The following DGKB variants were observed in gnomAD, a reference collection of about 807,000 sequenced individuals.
The protein encoded by DGKB is diacylglycerol kinase beta.
A neutral mutation model predicts 114.3 loss-of-function variants in DGKB; 67 were observed. The ratio of observed to expected loss-of-function variants is 0.59; its 90% CI spans 0.48 to 0.72. The LOEUF (loss-of-function observed/expected upper bound fraction) is 0.72. Among genes scored for constraint, DGKB ranks in the 30% least tolerant of loss-of-function variants. DGKB has a pLI of 0.00. For synonymous variants in DGKB, 398 were observed against 323.1 expected (o/e 1.23, Z -2.49); for missense variants, 907 against 975.2 (o/e 0.93, Z 0.93).
At chr7:14,415,421 T>TC (rs1292559862) in intron 21 of DGKB, among the ~76,000 whole-genome samples, 1 of 138,166 alleles carries the variant, frequency 7.2e-6, no homozygotes, top group East Asian at 2.4e-4. Context: ...CCCTCCCCAC[T>TC]CCCCCCACCC....
At chr7:14,784,355 C>T (rs1418789428) in intron 2 of DGKB, among the ~76,000 whole-genome samples, 1 of 150,930 alleles carries the variant, frequency 6.6e-6, no homozygotes, top group Non-Finnish European at 1.5e-5. Flanking sequence ...CACCATCCGT[C>T]CAAATTATAT....
chr7:14,152,525 C>T lies in DGKB; in HGVS notation c.2305-3287G>A, dbSNP rs901399602. Among the ~76,000 whole-genome samples the T allele has an allele frequency of 2.0e-5, 3 of 152,026 alleles. No homozygotes were observed. In the South Asian group the frequency reaches 6.2e-4, roughly 32 times the overall value. On this transcript the variant is annotated intron_variant, in intron 25 of 25. Transcript: ENST00000402815. ...GTGTCCTCCTATAAAACTCTTCCTT[C>T]TCCTTATCATGTACCCTTCTAGAAA...
intron 23 of DGKB, among the ~76,000 whole-genome samples, chr7:14,263,942 A>G (rs1797138285): frequency 6.6e-6 from 1 of 152,234 alleles, no homozygotes; most frequent in Admixed American, 6.5e-5. Context: ...CTGTATGAGC[A>G]GAGTCCTGGC....
intron 13 of DGKB, among the ~76,000 whole-genome samples, chr7:14,634,657 T>G (rs1294791931): frequency 4.0e-5 from 6 of 151,452 alleles, no homozygotes; most frequent in Non-Finnish European, 8.9e-5. Flanking sequence ...GAAAAAAAAC[T>G]AGGGTAAGAT....
intron 2 of DGKB, among the ~76,000 whole-genome samples, chr7:14,840,733 CACACACACACA>C (rs1435821671): frequency 1.8e-4 from 27 of 147,238 alleles, no homozygotes; most frequent in Middle Eastern, 7.0e-3. Flanking sequence ...CACACACACA[CACACACACACA>C]CCTCTCCCTT....
At chr7:14,674,402 C>CA (rs1289809386) in intron 12 of DGKB, among the ~76,000 whole-genome samples, 1 of 152,048 alleles carries the variant, frequency 6.6e-6, no homozygotes, top group African/African-American at 2.4e-5. Flanking sequence ...ATAGTTTCCT[C>CA]AAAATAAAAT....
chr7:14,685,933 T>C (rs897509655), intron 9 of DGKB, among the ~76,000 whole-genome samples: 2 of 152,134 alleles, frequency 1.3e-5, no homozygotes, highest in African/African-American at 4.8e-5. Flanking sequence ...TTATACTATA[T>C]TCCAATTTAT....
chr7:14,716,272 C>T (rs80329646), intron 6 of DGKB, among the ~76,000 whole-genome samples: 1,590 of 152,224 alleles, frequency 0.01, 31 homozygotes, highest in African/African-American at 0.037. Flanking sequence ...GTTAGAAATG[C>T]ACATTTTCAG....
At chr7:14,625,060 A>C (rs1179191564) in intron 14 of DGKB, among the ~76,000 whole-genome samples, 1 of 152,168 alleles carries the variant, frequency 6.6e-6, no homozygotes, top group Non-Finnish European at 1.5e-5. Context: ...TTTTCAACTT[A>C]TGAGATTTCA....
At chr7:14,381,940 AT>A (rs1233603081) in intron 21 of DGKB, among the ~76,000 whole-genome samples, 2 of 152,324 alleles carry the variant, frequency 1.3e-5, no homozygotes, top group African/African-American at 4.8e-5. Flanking sequence ...CTAGTTCTTG[AT>A]TCTGCAAAGT....
chr7:14,285,868 T>C (rs182400229), intron 23 of DGKB, among the ~76,000 whole-genome samples: 25 of 152,210 alleles, frequency 1.6e-4, no homozygotes, highest in Admixed American at 5.2e-4. Context: ...TTGGAGTAGG[T>C]TCAAATACTT....
chr7:14,296,355 T>A (rs1208241814), intron 23 of DGKB, among the ~76,000 whole-genome samples: 1 of 152,136 alleles, frequency 6.6e-6, no homozygotes, highest in Non-Finnish European at 1.5e-5. Context: ...TATGGCTGCA[T>A]AGTATTCCAT....
In DGKB at chr7:14,316,009, T is replaced by G. The variant is rs1043370969; in HGVS notation, c.2122+22506A>C. Among the ~76,000 whole-genome samples, 4 of 151,206 alleles carry G rather than the reference T, an allele frequency of 2.6e-5. 1 individual carries two copies. The highest frequency in any genetic ancestry group is 4.2e-4 in the South Asian group (2 of 4,786). On this transcript the variant is annotated intron_variant, in intron 23 of 25. Transcript: ENST00000402815. ...CAAAACCGCTCAACTACATGGAAAC[T>G]GAACAACCTGCTCCTGAATGACTGT...
intron 19 of DGKB, among the ~76,000 whole-genome samples, chr7:14,577,173 G>A (rs1799246842): frequency 6.6e-6 from 1 of 152,068 alleles, no homozygotes; most frequent in Non-Finnish European, 1.5e-5. Context: ...TTTAAAGCCT[G>A]TAATCAATCC....
chr7:14,360,989 G>A (rs1485689650), intron 21 of DGKB, among the ~76,000 whole-genome samples: 1 of 151,662 alleles, frequency 6.6e-6, no homozygotes, highest in Non-Finnish European at 1.5e-5. Context: ...TGCAAAAATC[G>A]AGAAAAAAAT....
At chr7:14,390,955 G>A (rs924948074) in intron 21 of DGKB, among the ~76,000 whole-genome samples, 13 of 152,110 alleles carry the variant, frequency 8.5e-5, no homozygotes, top group African/African-American at 3.1e-4. Flanking sequence ...GATTTTTACT[G>A]CTGCCTTCTT....
At chr7:14,881,655 G>A (rs1373910137) in intron 1 of DGKB, among the ~76,000 whole-genome samples, 1 of 152,038 alleles carries the variant, frequency 6.6e-6, no homozygotes, top group Non-Finnish European at 1.5e-5. Flanking sequence ...CTGTGGTGCA[G>A]ATTTCTGATT....
At chr7:14,665,286 A>T (rs573065188) in intron 13 of DGKB, among the ~76,000 whole-genome samples, 5 of 151,980 alleles carry the variant, frequency 3.3e-5, no homozygotes, top group Non-Finnish European at 5.9e-5. Flanking sequence ...AGGAACAGAA[A>T]ACCAAATACC....
intron 21 of DGKB, among the ~76,000 whole-genome samples, chr7:14,408,584 A>C (rs1824331569): frequency 6.6e-6 from 1 of 152,154 alleles, no homozygotes. Context: ...TACATAGAAC[A>C]ATTGCCATTT....
Sources: allele counts gnomAD v4.1 joint callset (sites outside exome capture counted in the v4.1 genomes callset), GRCh38; gene constraint gnomAD v4.1.1; transcripts MANE v1.5; gene names NCBI Gene and HGNC (gene_info 2026-07-23, HGNC 2026-07-21).